The following ATP1A4 variants were observed in gnomAD, a reference collection of about 807,000 sequenced individuals.
ATP1A4 encodes the protein ATPase Na+/K+ transporting subunit alpha 4, also known as sodium/potassium-transporting ATPase subunit alpha-4.
In ATP1A4, 90 loss-of-function variants were observed where a neutral mutation model predicts 114.3. The ratio of observed to expected loss-of-function variants is 0.79; its 90% confidence interval spans 0.66 to 0.94. The LOEUF is 0.94. Among genes scored for constraint, ATP1A4 ranks in the 40% least tolerant of loss-of-function variants. ATP1A4 has a pLI of 0.00. For missense variants in ATP1A4, 1,222 were observed against 1,313.6 expected, an observed-to-expected ratio of 0.93 and a Z score of 1.08; for synonymous variants, 511 against 494.1, an observed-to-expected ratio of 1.03 and a Z score of -0.45.
chr1:160,173,105 G>A (rs775170790), intron 12 of ATP1A4, among the ~76,000 whole-genome samples: 1 of 152,136 alleles, frequency 6.6e-6, no homozygotes, highest in South Asian at 2.1e-4. Flanking sequence ...TAGGTACCAG[G>A]TATCCAAAAC....
intron 6 of ATP1A4, among the ~76,000 whole-genome samples, chr1:160,162,026 C>A (rs902442990): frequency 2.0e-5 from 3 of 152,160 alleles, no homozygotes; most frequent in African/African-American, 7.2e-5. Flanking sequence ...TATGATGTAC[C>A]TAACCTTCTA....
At chr1:160,177,478 C>G in intron 17 of ATP1A4, 41 bp from the exon 18 acceptor site, 1 of 1,606,908 alleles carries the variant, frequency 6.2e-7, no homozygotes, top group Non-Finnish European at 8.5e-7. Context: ...GGGCCCTTCT[C>G]TGAACCAGGC....
Position 160,164,152 on chromosome 1 carries a change from A to G in ATP1A4, c.779-4A>G. The stretch of plus-strand genomic sequence containing the variant: ...CACATTGCCCTCTCCTGCTTCATCC[A>G]CAGGAACCGCCCGGGGTATTGTGAT... On this transcript the variant is annotated splice_region_variant and splice_polypyrimidine_tract_variant and intron_variant, in intron 6 of 21. Coordinates refer to ENST00000368081, the MANE Select transcript of ATP1A4 (RefSeq NM_144699.4). 1.2e-6 allele frequency: 2 copies of G among 1,613,398 alleles called. No homozygotes were observed. Among genetic ancestry groups the G allele is most frequent in the East Asian group, 2.2e-5 (1 of 44,862 alleles).
Position 160,171,364 on chromosome 1 carries a change from C to T in ATP1A4, c.1605C>T (p.Tyr535=), listed in dbSNP as rs772708143. 4 of 1,614,004 alleles carry T rather than the reference C, an allele frequency of 2.5e-6. No homozygotes were observed. The African/African-American group carries it at 5.3e-5, about 22-fold the overall frequency. ...CSTFLLNGQE[Y]SMNDEMKEAF... ...CCTTTCTTCTGAATGGGCAGGAGTA[C>T]TCAATGAACGATGAAATGAAGGAAG... Residue 535 remains tyrosine, a synonymous_variant, in exon 11 of 22, where the codon TAC becomes TAT. Transcript: ENST00000368081.
intron 18 of ATP1A4, among the ~76,000 whole-genome samples, chr1:160,181,243 T>A (rs1292134792): frequency 6.6e-6 from 1 of 152,028 alleles, no homozygotes; most frequent in Admixed American, 6.6e-5. Context: ...ATCTGTGAAG[T>A]GCTGTGGGGT....
intron 6 of ATP1A4, among the ~76,000 whole-genome samples, chr1:160,161,709 G>A (rs1316579616): frequency 6.6e-6 from 1 of 152,032 alleles, no homozygotes; most frequent in Non-Finnish European, 1.5e-5. Context: ...CCCAATATAT[G>A]CCTTTGGCAA....
chr1:160,185,495 T>C (rs1653847317), intron 20 of ATP1A4, among the ~76,000 whole-genome samples: 1 of 152,054 alleles, frequency 6.6e-6, no homozygotes, highest in African/African-American at 2.4e-5. Flanking sequence ...TCCTCAAAGG[T>C]AGGGCTCAGG....
At position 160,170,837 on chromosome 1, in the gene ATP1A4, G is replaced by A. The variant is rs144140084; in HGVS notation, c.1492-414G>A. ...TGACCTCAAGCAATCCACCCGCCTC[G>A]GCCTCCCAAAGTGCTGGGATTACAG... On this transcript the variant is annotated intron_variant, in intron 10 of 21. Coordinates refer to ENST00000368081, the MANE Select transcript of ATP1A4 (RefSeq NM_144699.4). 9.6e-3 allele frequency: 1,509 copies of A among 156,516 alleles called. 30 individuals carry two copies. Among genetic ancestry groups the A allele is most frequent in the African/African-American group, 0.035 (1,445 of 41,612 alleles). 9.7% of individuals were successfully genotyped at this position (156,516 alleles called of 1,614,324 possible).
chr1:160,174,765 C>T lies in ATP1A4; in HGVS notation c.2311+18C>T. On this transcript the variant is annotated intron_variant, in intron 15 of 21. Coordinates refer to ENST00000368081, the MANE Select transcript of ATP1A4 (RefSeq NM_144699.4). ...GGAGGAGGGTGAGGAGGCAGGGTGC[C>T]CATGGTGGAGACTTCAACCCTGGAC... 6.2e-7 allele frequency: 1 copy of T among 1,613,330 alleles called. No homozygotes were observed. Among genetic ancestry groups the T allele is most frequent in the Non-Finnish European group, 8.5e-7 (1 of 1,179,938 alleles).
chr1:160,159,400 C>G lies in ATP1A4; in HGVS notation c.661-9C>G. 1.9e-6 allele frequency: 3 copies of G among 1,602,126 alleles called. No individual in the cohort carries two copies. The highest frequency in any genetic ancestry group is 2.6e-6 in the Non-Finnish European group (3 of 1,174,916). On this transcript the variant is annotated splice_polypyrimidine_tract_variant and intron_variant, in intron 5 of 21. Coordinates refer to ENST00000368081, the MANE Select transcript of ATP1A4 (RefSeq NM_144699.4). ...CTCACCTTACAACGCGTCCCCTCTC[C>G]CATCCCAGGTGGACAACTCATCCTT...
At chr1:160,158,235 C>T (rs1223386149) in intron 4 of ATP1A4, among the ~76,000 whole-genome samples, 1 of 152,190 alleles carries the variant, frequency 6.6e-6, no homozygotes, top group Non-Finnish European at 1.5e-5. Context: ...ATCCACATGT[C>T]TGGGCCCTTA....
chr1:160,164,078 G>C (rs951962887), intron 6 of ATP1A4, 78 bp from the exon 7 acceptor site: 8 of 1,532,914 alleles, frequency 5.2e-6, no homozygotes, highest in Middle Eastern at 3.5e-4. Context: ...TCTATGTCAG[G>C]AAGTGGGGGC....
intron 18 of ATP1A4, among the ~76,000 whole-genome samples, chr1:160,181,415 T>C (rs1205513684): frequency 2.0e-5 from 3 of 151,506 alleles, no homozygotes; most frequent in East Asian, 1.9e-4. Context: ...ATTAGCTGGG[T>C]GTGGTGGCAG....
In ATP1A4 at chr1:160,176,503, G is replaced by A; in HGVS notation, c.2491G>A (p.Glu831Lys). The part of the protein sequence containing the change: ...DMVPAISLAY[E>K]SAESDIMKRL... ...GGTCCCTGCCATCTCCTTGGCTTATGAGTCAGCTGAAAGCGACATCATGAA... is the reference window on the plus strand; with the variant it reads ...GGTCCCTGCCATCTCCTTGGCTTATAAGTCAGCTGAAAGCGACATCATGAA... Residue 831 changes from glutamate (E) to lysine (K), a missense_variant, in exon 17 of 22, where the codon GAG (glutamate) becomes AAG (lysine). By Grantham distance (56) the Glu-to-Lys change is moderately conservative (BLOSUM62 1). Coordinates refer to ENST00000368081, the MANE Select transcript of ATP1A4 (RefSeq NM_144699.4). 1.2e-6 allele frequency: 2 copies of A among 1,614,154 alleles called. No individual in the cohort carries two copies. Among genetic ancestry groups the A allele is most frequent in the Non-Finnish European group, 1.7e-6 (2 of 1,180,028 alleles).
Position 160,171,268 on chromosome 1 carries a change from G to C in ATP1A4, c.1509G>C (p.Arg503=). ...CTCCCTAGATGTCCATCCACCTTCG[G>C]GAGGACAGCTCCCAGACCCACGTAC... ...TNKYQMSIHL[R]EDSSQTHVLM... Residue 503 remains arginine (R), a synonymous_variant, in exon 11 of 22, where the codon CGG becomes CGC. Transcript: ENST00000368081. 6.2e-7 allele frequency: 1 copy of C among 1,613,732 alleles called. No individual in the cohort carries two copies. Among genetic ancestry groups the C allele is most frequent in the Non-Finnish European group, 8.5e-7 (1 of 1,179,776 alleles).
chr1:160,165,368 T>A (rs561278293), intron 7 of ATP1A4, among the ~76,000 whole-genome samples: 1 of 152,364 alleles, frequency 6.6e-6, no homozygotes, highest in Middle Eastern at 3.4e-3. Flanking sequence ...TTGACTTACA[T>A]TGCCTTCACA....
chr1:160,156,821 A>G (rs556809628), intron 4 of ATP1A4, among the ~76,000 whole-genome samples: 1 of 152,206 alleles, frequency 6.6e-6, no homozygotes. Context: ...CTAAAGAGGC[A>G]TGACAACTAT....
chr1:160,155,992 A>T, intron 3 of ATP1A4, 53 bp from the exon 4 acceptor site: 2 of 1,100,026 alleles, frequency 1.8e-6, no homozygotes, highest in Non-Finnish European at 1.4e-6. Context: ...TTTTCTGAGG[A>T]TGAAGAAGAC....
At chr1:160,176,449 C>A (rs776552942) in intron 16 of ATP1A4, 30 bp from the exon 17 acceptor site, 6 of 1,613,194 alleles carry the variant, frequency 3.7e-6, no homozygotes, top group South Asian at 1.1e-5. Flanking sequence ...AACTTTGTGA[C>A]CCCTGTCATC....
Sources: gnomAD v4.1 joint callset for allele counts (sites outside exome capture counted in the v4.1 genomes callset) on GRCh38, gnomAD v4.1.1 for gene constraint, MANE v1.5 for transcripts, NCBI Gene and HGNC (gene_info 2026-07-23, HGNC 2026-07-21) for gene names.